The following TRIM2 variants were observed in gnomAD, a reference collection of about 807,000 sequenced individuals.
TRIM2 encodes the protein tripartite motif-containing protein 2.
A neutral mutation model predicts 75.2 loss-of-function variants in TRIM2; 20 were observed. That is an observed-to-expected ratio of 0.27 (90% CI 0.19 to 0.39). The LOEUF is 0.39. Among genes scored for constraint, TRIM2 ranks in the 10% least tolerant of loss-of-function variants. The pLI, the probability that TRIM2 is intolerant of heterozygous loss-of-function variation, is 1.00. For missense variants in TRIM2, 660 were observed against 990.8 expected (o/e 0.67, Z 4.48); for synonymous variants, 373 against 388.3 (o/e 0.96, Z 0.46).
At chr4:153,178,665 C>T (rs1218751968) in intron 1 of TRIM2, among the ~76,000 whole-genome samples, 1 of 152,166 alleles carries the variant, frequency 6.6e-6, no homozygotes, top group Non-Finnish European at 1.5e-5. Flanking sequence ...ATTTGAGACT[C>T]ATGCATCCTG....
intron 5 of TRIM2, among the ~76,000 whole-genome samples, chr4:153,294,933 C>T (rs1197457208): frequency 6.6e-6 from 1 of 152,170 alleles, no homozygotes; most frequent in Non-Finnish European, 1.5e-5. Flanking sequence ...CATTTGTTTA[C>T]TTCCTGTTCC....
chr4:153,304,718 A>T (rs560964433), intron 6 of TRIM2, among the ~76,000 whole-genome samples: 1 of 152,320 alleles, frequency 6.6e-6, no homozygotes, highest in African/African-American at 2.4e-5. Context: ...GGTATAATTT[A>T]AAATCTCTGA....
At chr4:153,189,995 A>G (rs374402580) in intron 1 of TRIM2, among the ~76,000 whole-genome samples, 2 of 152,246 alleles carry the variant, frequency 1.3e-5, no homozygotes, top group East Asian at 3.8e-4. Flanking sequence ...ATTTGATTTA[A>G]ATCAAATCCA....
At chr4:153,300,603 G>A (rs535732110) in intron 6 of TRIM2, among the ~76,000 whole-genome samples, 53 of 151,998 alleles carry the variant, frequency 3.5e-4, no homozygotes, top group African/African-American at 1.1e-3. Flanking sequence ...GTGCAGTGGC[G>A]TGATCTCAGC....
At chr4:153,202,698 CA>C (rs748719135), upstream of TRIM2, among the ~76,000 whole-genome samples, 837 of 77,952 alleles carry the variant, frequency 0.011, 7 homozygotes, top group African/African-American at 0.027. Flanking sequence ...GACTCTGTCT[CA>C]AAAAAAAAAA....
At chr4:153,186,436 G>A (rs914629463) in intron 1 of TRIM2, among the ~76,000 whole-genome samples, 3 of 152,132 alleles carry the variant, frequency 2.0e-5, no homozygotes, top group African/African-American at 7.2e-5. Context: ...GACTTTCTAG[G>A]AAATAGCGCT....
intron 1 of TRIM2, chr4:153,257,660 A>G: frequency 8.5e-7 from 1 of 1,175,356 alleles, no homozygotes; most frequent in Non-Finnish European, 1.1e-6. Flanking sequence ...TTGAAGTGTT[A>G]GCAGAAACGT....
chr4:153,319,516 G>T (rs1200298043), intron 8 of TRIM2, among the ~76,000 whole-genome samples: 2 of 152,022 alleles, frequency 1.3e-5, no homozygotes, highest in Non-Finnish European at 2.9e-5. Flanking sequence ...ATCACCTGAG[G>T]TCAGGAGTTC....
intron 1 of TRIM2, among the ~76,000 whole-genome samples, chr4:153,175,176 C>A (rs182753518): frequency 6.6e-6 from 1 of 152,130 alleles, no homozygotes; most frequent in South Asian, 2.1e-4. Flanking sequence ...GCCACAATGC[C>A]CAGCTAATTA....
chr4:153,288,836 CCTT>C (rs1378772001), intron 3 of TRIM2, among the ~76,000 whole-genome samples: 11 of 151,628 alleles, frequency 7.3e-5, no homozygotes, highest in South Asian at 4.2e-4. Flanking sequence ...TTCAAGTTAA[CCTT>C]CTTCTTCCTG....
intron 1 of TRIM2, among the ~76,000 whole-genome samples, chr4:153,221,739 T>G (rs28584057): frequency 5.8e-4 from 80 of 139,020 alleles, no homozygotes; most frequent in Non-Finnish European, 7.7e-4. Flanking sequence ...AAGGAAAGAG[T>G]GAGGAAGGGA....
At chr4:153,320,697 A>T (rs1231990643) in intron 8 of TRIM2, among the ~76,000 whole-genome samples, 1 of 152,124 alleles carries the variant, frequency 6.6e-6, no homozygotes, top group Non-Finnish European at 1.5e-5. Context: ...AGGTGGCGCG[A>T]CCTTGGCTAA....
chr4:153,247,999 T>TG (rs1323489457), intron 1 of TRIM2, among the ~76,000 whole-genome samples: 13 of 149,542 alleles, frequency 8.7e-5, no homozygotes, highest in African/African-American at 3.0e-4. Context: ...TCATGTGTTT[T>TG]TTTTTTTTTT....
At chr4:153,310,855 T>A (rs1217703460) in intron 6 of TRIM2, among the ~76,000 whole-genome samples, 2 of 152,240 alleles carry the variant, frequency 1.3e-5, no homozygotes, top group African/African-American at 2.4e-5. Context: ...AAACAGACAT[T>A]CCTCTGACCT....
chr4:153,283,224 C>A (rs1369454905), intron 3 of TRIM2, among the ~76,000 whole-genome samples: 2 of 152,210 alleles, frequency 1.3e-5, no homozygotes, highest in Non-Finnish European at 2.9e-5. Context: ...CTCCTACTCC[C>A]TCCTCCCACT....
At chr4:153,202,936 C>G (rs1734562621), upstream of TRIM2, among the ~76,000 whole-genome samples, 1 of 151,420 alleles carries the variant, frequency 6.6e-6, no homozygotes, top group Non-Finnish European at 1.5e-5. Flanking sequence ...GAAACCCTGT[C>G]TCTACTAAAA....
At chr4:153,276,829 G>A (rs561192578) in intron 3 of TRIM2, among the ~76,000 whole-genome samples, 12 of 152,056 alleles carry the variant, frequency 7.9e-5, no homozygotes, top group Middle Eastern at 6.8e-3. Context: ...AACTCTCTGC[G>A]TCTCATTTCT....
At chr4:153,193,809 G>C (rs1258373951) in intron 1 of TRIM2, among the ~76,000 whole-genome samples, 1 of 152,120 alleles carries the variant, frequency 6.6e-6, no homozygotes, top group Non-Finnish European at 1.5e-5. Flanking sequence ...GAGCTTTCTG[G>C]GCAAGGTGAA....
At chr4:153,328,846 G>A (rs903700583) in intron 11 of TRIM2, among the ~76,000 whole-genome samples, 176 bp downstream of exon 11, 1 of 152,080 alleles carries the variant, frequency 6.6e-6, no homozygotes, top group Non-Finnish European at 1.5e-5. Context: ...AATGTTACCA[G>A]ACTGAAACCC....
Sources: allele counts gnomAD v4.1 joint callset (sites outside exome capture counted in the v4.1 genomes callset), GRCh38; gene constraint gnomAD v4.1.1; transcripts MANE v1.5; gene names NCBI Gene and HGNC (gene_info 2026-07-23, HGNC 2026-07-21).